Variants in PADI4 observed in about 807,000 individuals in gnomAD.
PADI4 encodes the protein protein-arginine deiminase type-4.
Under a neutral mutation model 75.0 loss-of-function variants are expected in PADI4, and 62 were observed. The observed-to-expected ratio is 0.83, with a 90% CI of 0.67 to 1.02. The LOEUF (loss-of-function observed/expected upper bound fraction) is 1.02. Among genes scored for constraint, PADI4 ranks in the 50% least tolerant of loss-of-function variants. The probability of loss-of-function intolerance (pLI) is 0.00; values close to 1 mark genes in which losing one functional copy is unlikely to be tolerated. For synonymous variants in PADI4, 361 were observed against 348.1 expected, an observed-to-expected ratio of 1.04 and a Z score of -0.41; for missense variants, 845 against 850.5, an observed-to-expected ratio of 0.99 and a Z score of 0.08.
intron 10 of PADI4, among the ~76,000 whole-genome samples, chr1:17,352,029 G>C (rs1205652311): frequency 0.038 from 476 of 12,416 alleles, 52 homozygotes; most frequent in Middle Eastern, 0.077. Flanking sequence ...GGCCAGGGAG[G>C]TGATGGGAGG....
chr1:17,321,769 C>T (rs886468814), intron 1 of PADI4, among the ~76,000 whole-genome samples: 1 of 152,158 alleles, frequency 6.6e-6, no homozygotes, highest in Non-Finnish European at 1.5e-5. Context: ...AGATGAGTGT[C>T]AATCATTTTA....
At chr1:17,323,803 A>G (rs1316683523) in intron 1 of PADI4, among the ~76,000 whole-genome samples, 1 of 152,096 alleles carries the variant, frequency 6.6e-6, no homozygotes, top group East Asian at 1.9e-4. Flanking sequence ...ACTACACTCC[A>G]GCCTGGGCAA....
intron 14 of PADI4, 151 bp from the exon 15 acceptor site, chr1:17,359,129 G>A: frequency 1.5e-6 from 1 of 686,478 alleles, no homozygotes; most frequent in Non-Finnish European, 2.5e-6. Flanking sequence ...AGGCCCCTCT[G>A]TGCAGTGAGG....
At chr1:17,319,051 C>A (rs2073990636) in intron 1 of PADI4, among the ~76,000 whole-genome samples, 1 of 152,034 alleles carries the variant, frequency 6.6e-6, no homozygotes, top group Non-Finnish European at 1.5e-5. Context: ...GAAAGCAGTC[C>A]TCCCACCTCA....
intron 8 of PADI4, among the ~76,000 whole-genome samples, chr1:17,343,046 G>A (rs941230336): frequency 6.6e-6 from 1 of 152,010 alleles, no homozygotes; most frequent in African/African-American, 2.4e-5. Context: ...AATTAGCCAG[G>A]TGTTGTGGCA....
intron 1 of PADI4, among the ~76,000 whole-genome samples, chr1:17,315,665 C>CA (rs1263217436): frequency 6.6e-6 from 1 of 151,890 alleles, no homozygotes; most frequent in Non-Finnish European, 1.5e-5. Context: ...CTCCTTTGGT[C>CA]AAAGACTGCA....
At chr1:17,343,494 T>C (rs1241870834) in intron 8 of PADI4, among the ~76,000 whole-genome samples, 1 of 152,186 alleles carries the variant, frequency 6.6e-6, no homozygotes, top group Non-Finnish European at 1.5e-5. Context: ...CCAGCACTGT[T>C]CCAGGTGGTG....
At chr1:17,327,861 T>C (rs2074140952) in intron 1 of PADI4, among the ~76,000 whole-genome samples, 1 of 152,178 alleles carries the variant, frequency 6.6e-6, no homozygotes, top group South Asian at 2.1e-4. Context: ...CTCACCAATC[T>C]TTTATTTTTA....
At chr1:17,355,399 A>G (rs1208816083) in intron 11 of PADI4, among the ~76,000 whole-genome samples, 1 of 152,194 alleles carries the variant, frequency 6.6e-6, no homozygotes, top group Non-Finnish European at 1.5e-5. Context: ...TAATGCAAAA[A>G]TTAGCTGGGC....
intron 2 of PADI4, 41 bp downstream of exon 2, chr1:17,331,190 C>T: frequency 6.5e-7 from 1 of 1,528,638 alleles, no homozygotes. Flanking sequence ...GGATGGGCTT[C>T]AGCAGGGCAG....
intron 1 of PADI4, among the ~76,000 whole-genome samples, chr1:17,322,365 T>C (rs1225551272): frequency 6.6e-6 from 1 of 152,142 alleles, no homozygotes; most frequent in Non-Finnish European, 1.5e-5. Context: ...GGCATGCACC[T>C]GTAGTCCCAG....
At position 17,354,631 on chromosome 1, in the gene PADI4, C is replaced by G; in HGVS notation, c.1254C>G (p.Val418=). Residue 418 remains valine, a synonymous_variant, in exon 11 of 16, where the codon GTC becomes GTG. Transcript: ENST00000375448. The part of the protein sequence containing the change: ...GNLEVSPPVT[V]RGKEYPLGRI... ...TGGAAGTGAGCCCCCCAGTCACAGT[C>G]AGGGGCAAGGAATACCCGCTGGGCA... The G allele has an allele frequency of 6.2e-7, 1 of 1,614,024 alleles. No homozygotes were observed. Among genetic ancestry groups the G allele is most frequent in the Non-Finnish European group, 8.5e-7 (1 of 1,179,942 alleles).
intron 1 of PADI4, among the ~76,000 whole-genome samples, chr1:17,313,362 G>T (rs113286776): frequency 0.013 from 1,991 of 149,338 alleles, 55 homozygotes; most frequent in African/African-American, 0.047. Context: ...TTAGCCAGGC[G>T]TGGTGGTGCA....
intron 10 of PADI4, among the ~76,000 whole-genome samples, chr1:17,353,739 G>A (rs781154305): frequency 2.7e-4 from 41 of 152,194 alleles, no homozygotes; most frequent in East Asian, 7.7e-4. Flanking sequence ...CCTGGAATGC[G>A]GGAGGGCCTG....
intron 1 of PADI4, among the ~76,000 whole-genome samples, chr1:17,325,923 C>T (rs2074110830): frequency 6.6e-6 from 1 of 152,032 alleles, no homozygotes; most frequent in African/African-American, 2.4e-5. Flanking sequence ...AGGCTGGTCT[C>T]CAACTCCCGA....
intron 14 of PADI4, 63 bp from the exon 15 acceptor site, chr1:17,359,217 T>TACCCCCCCCC: frequency 3.1e-6 from 2 of 647,812 alleles, no homozygotes; most frequent in Admixed American, 3.0e-5. Context: ...CCCCACACTG[T>TACCCCCCCCC]CCCCCACCCC....
intron 10 of PADI4, 37 bp from the exon 11 acceptor site, chr1:17,354,495 AT>A: frequency 6.2e-7 from 1 of 1,608,560 alleles, no homozygotes; most frequent in African/African-American, 1.3e-5. Context: ...CAGGGACCTC[AT>A]TCCTCTAACT....
At chr1:17,355,379 C>G (rs1288234500) in intron 11 of PADI4, among the ~76,000 whole-genome samples, 1 of 152,108 alleles carries the variant, frequency 6.6e-6, no homozygotes, top group Non-Finnish European at 1.5e-5. Flanking sequence ...TGGCGAAACC[C>G]CGTCTCTACT....
chr1:17,330,785 C>G (rs1444592746), intron 1 of PADI4, among the ~76,000 whole-genome samples, 184 bp from the exon 2 acceptor site: 1 of 152,192 alleles, frequency 6.6e-6, no homozygotes, highest in Non-Finnish European at 1.5e-5. Flanking sequence ...AGTCCACTGA[C>G]TCAAATGCCA....
Sources: allele counts gnomAD v4.1 joint callset (sites outside exome capture counted in the v4.1 genomes callset), GRCh38; gene constraint gnomAD v4.1.1; transcripts MANE v1.5; gene names NCBI Gene and HGNC (gene_info 2026-07-23, HGNC 2026-07-21).